Variants in TBC1D22A observed in about 807,000 individuals in gnomAD.
TBC1D22A encodes TBC1 domain family member 22A.
In TBC1D22A, 38 loss-of-function variants were observed where a neutral mutation model predicts 60.2. The observed-to-expected ratio is 0.63, with a 90% CI of 0.49 to 0.83. The LOEUF is 0.83. Ranked by LOEUF, TBC1D22A falls within the 40% of genes least tolerant of loss-of-function variation. The probability of loss-of-function intolerance (pLI) is 0.00; values close to 1 mark genes in which losing one functional copy is unlikely to be tolerated. For missense variants in TBC1D22A, 628 were observed against 701.0 expected (o/e 0.90, Z 1.18); for synonymous variants, 302 against 281.7 (o/e 1.07, Z -0.72).
chr22:46,802,013 G>T (rs1329519867), intron 4 of TBC1D22A, among the ~76,000 whole-genome samples: 2 of 152,234 alleles, frequency 1.3e-5, no homozygotes, highest in Non-Finnish European at 2.9e-5. Context: ...GAGGAAGCAG[G>T]TGCGGCCTTG....
At chr22:46,905,836 G>A (rs963736495) in intron 7 of TBC1D22A, among the ~76,000 whole-genome samples, 1 of 152,216 alleles carries the variant, frequency 6.6e-6, no homozygotes, top group African/African-American at 2.4e-5. Flanking sequence ...TGACCTTCCC[G>A]TGTCCCAGAC....
intron 8 of TBC1D22A, among the ~76,000 whole-genome samples, chr22:46,941,340 T>TATATATATAGA (rs2072043810): frequency 6.7e-6 from 1 of 149,280 alleles, no homozygotes. Flanking sequence ...CTACAATATA[T>TATATATATAGA]ATATATATAG....
At chr22:47,099,132 G>A (rs2065308155) in intron 11 of TBC1D22A, among the ~76,000 whole-genome samples, 3 of 152,328 alleles carry the variant, frequency 2.0e-5, no homozygotes, top group Admixed American at 2.0e-4. Context: ...AGTCCTGAGC[G>A]CTTACCCTGT....
intron 4 of TBC1D22A, among the ~76,000 whole-genome samples, chr22:46,820,776 A>C (rs1489592877): frequency 6.6e-6 from 1 of 152,160 alleles, no homozygotes. Context: ...TCAAGTCCTG[A>C]ATGTCCTTGT....
At chr22:46,831,430 G>A (rs781644328) in intron 4 of TBC1D22A, among the ~76,000 whole-genome samples, 18 of 152,130 alleles carry the variant, frequency 1.2e-4, no homozygotes, top group Non-Finnish European at 1.6e-4. Context: ...TCCCGGACTC[G>A]GAGCACAAGC....
chr22:47,126,367 T>C (rs980549089), intron 12 of TBC1D22A, among the ~76,000 whole-genome samples: 3 of 152,192 alleles, frequency 2.0e-5, no homozygotes, highest in African/African-American at 7.2e-5. Flanking sequence ...CTGTGGTTCC[T>C]GAGCCCTTTC....
intron 11 of TBC1D22A, among the ~76,000 whole-genome samples, chr22:47,049,805 C>A (rs557251036): frequency 6.6e-6 from 1 of 152,184 alleles, no homozygotes; most frequent in South Asian, 2.1e-4. Context: ...CGTGATTTTT[C>A]AGTGTATTTG....
chr22:46,884,034 A>T (rs141359221), intron 5 of TBC1D22A, among the ~76,000 whole-genome samples: 165 of 152,234 alleles, frequency 1.1e-3, no homozygotes, highest in Middle Eastern at 0.01. Flanking sequence ...CTCAGCGAGG[A>T]AGGACTGAGG....
At chr22:46,879,220 G>C (rs560037508) in intron 5 of TBC1D22A, among the ~76,000 whole-genome samples, 1 of 151,534 alleles carries the variant, frequency 6.6e-6, no homozygotes, top group South Asian at 2.1e-4. Context: ...AGTGGTTTGT[G>C]TTTCTGTGGT....
At chr22:47,132,776 C>T (rs984310796) in intron 12 of TBC1D22A, among the ~76,000 whole-genome samples, 12 of 152,256 alleles carry the variant, frequency 7.9e-5, no homozygotes, top group Admixed American at 4.6e-4. Flanking sequence ...TCCCACATCA[C>T]GTTGGCTTGA....
chr22:46,933,970 G>C (rs2337163), intron 8 of TBC1D22A, among the ~76,000 whole-genome samples: 85,465 of 152,026 alleles, frequency 0.56, 24,963 homozygotes, highest in East Asian at 0.72. Context: ...GAGAAAGCTG[G>C]ACTCCCACTT....
At chr22:46,965,706 G>A (rs57999386) in intron 8 of TBC1D22A, among the ~76,000 whole-genome samples, 126 of 152,352 alleles carry the variant, frequency 8.3e-4, no homozygotes, top group African/African-American at 2.9e-3. Context: ...GTGACATCTC[G>A]GCAGCAGGCA....
intron 7 of TBC1D22A, among the ~76,000 whole-genome samples, chr22:46,904,101 ATCTATCT>A (rs1569199191): frequency 4.8e-4 from 16 of 33,074 alleles, no homozygotes; most frequent in African/African-American, 1.5e-3. Flanking sequence ...AATAAAATCT[ATCTATCT>A]ATCTATCTAT....
intron 11 of TBC1D22A, among the ~76,000 whole-genome samples, chr22:47,089,309 A>T (rs1171462065): frequency 6.6e-6 from 1 of 152,220 alleles, no homozygotes; most frequent in Non-Finnish European, 1.5e-5. Flanking sequence ...GATGTCTGGG[A>T]TTTGCTTTAG....
chr22:47,062,749 C>T (rs1046595190), intron 11 of TBC1D22A, among the ~76,000 whole-genome samples: 3 of 152,146 alleles, frequency 2.0e-5, no homozygotes, highest in Non-Finnish European at 4.4e-5. Context: ...GTGAGCCAAA[C>T]CATTGTTATT....
At chr22:46,812,558 C>A (rs1212475499) in intron 4 of TBC1D22A, among the ~76,000 whole-genome samples, 1 of 152,196 alleles carries the variant, frequency 6.6e-6, no homozygotes, top group East Asian at 1.9e-4. Context: ...ACTGCCCACC[C>A]CTGTGGGGAC....
At chr22:46,925,851 G>A (rs2071019108) in intron 8 of TBC1D22A, among the ~76,000 whole-genome samples, 1 of 152,084 alleles carries the variant, frequency 6.6e-6, no homozygotes, top group Non-Finnish European at 1.5e-5. Context: ...GCACCCAACA[G>A]CAGCAGGATA....
At chr22:47,110,645 A>G (rs1157459471) in intron 11 of TBC1D22A, among the ~76,000 whole-genome samples, 3 of 152,140 alleles carry the variant, frequency 2.0e-5, no homozygotes, top group Non-Finnish European at 4.4e-5. Flanking sequence ...ATAGCACATC[A>G]CCATCTAATG....
chr22:47,128,042 T>TC (rs1601602215), intron 12 of TBC1D22A, among the ~76,000 whole-genome samples: 1 of 24,152 alleles, frequency 4.1e-5, no homozygotes, highest in East Asian at 2.8e-3. Context: ...ACCCATCCTC[T>TC]CCTCCGCCCA....
Sources: allele counts gnomAD v4.1 joint callset (sites outside exome capture counted in the v4.1 genomes callset), GRCh38; gene constraint gnomAD v4.1.1; transcripts MANE v1.5; gene names NCBI Gene and HGNC (gene_info 2026-07-23, HGNC 2026-07-21).